The following SCRG1 variants were observed in gnomAD, a reference collection of about 807,000 sequenced individuals.
The protein encoded by SCRG1 is scrapie-responsive protein 1.
Under a neutral mutation model 7.7 loss-of-function variants are expected in SCRG1, and 3 were observed. The observed-to-expected ratio is 0.39, with a 90% CI of 0.18 to 1.01. The LOEUF (loss-of-function observed/expected upper bound fraction) is 1.01. Among genes scored for constraint, SCRG1 ranks in the 50% least tolerant of loss-of-function variants. The probability of loss-of-function intolerance (pLI) is 0.36; values close to 1 mark genes in which losing one functional copy is unlikely to be tolerated. For synonymous variants in SCRG1, 46 were observed against 41.2 expected (o/e 1.12, Z -0.44); for missense variants, 110 against 117.2 (o/e 0.94, Z 0.28).
the SCRG1 span, among the ~76,000 whole-genome samples, chr4:173,471,091 G>A: frequency 6.6e-6 from 1 of 151,972 alleles, no homozygotes; most frequent in African/African-American, 2.4e-5. Context: ...CATTACTCCT[G>A]GATACTAAGA....
the SCRG1 span, among the ~76,000 whole-genome samples, chr4:173,504,319 GGTAGCC>G: frequency 6.6e-6 from 1 of 152,188 alleles, no homozygotes; most frequent in Non-Finnish European, 1.5e-5. This position sits in a 1 kb window ranked among gnomAD's most constrained non-coding sequence, Gnocchi z 4.7. Flanking sequence ...GTGCTCCTCC[GGTAGCC>G]GTATGGGGGA....
chr4:173,395,682 T>C (rs1311559882), intron 1 of SCRG1, among the ~76,000 whole-genome samples: 2 of 152,378 alleles, frequency 1.3e-5, no homozygotes, highest in African/African-American at 4.8e-5. Context: ...AGCACTTATA[T>C]ATAATCTGGC....
chr4:173,451,682 ATTT>A, the SCRG1 span, among the ~76,000 whole-genome samples: 14 of 126,666 alleles, frequency 1.1e-4, no homozygotes, highest in East Asian at 2.1e-4. Flanking sequence ...TTATTTATTT[ATTT>A]TGAGACAGAG....
chr4:173,388,299 T>C lies in SCRG1; in HGVS notation c.*42A>G, dbSNP rs778902564. ...AGTTATACTGATGTAGTGCAGTTTG[T>C]GGGAAATCAGGAATGGTGTTCTCCA... is the stretch of plus-strand genomic sequence containing the variant. On this transcript the variant is annotated 3_prime_UTR_variant, in exon 3 of 3. Coordinates refer to ENST00000296506, the MANE Select transcript of SCRG1 (RefSeq NM_007281.4). 2 of 1,466,080 alleles carry C rather than the reference T, an allele frequency of 1.4e-6. No homozygotes were observed. Among genetic ancestry groups the C allele is most frequent in the Non-Finnish European group, 1.9e-6 (2 of 1,049,624 alleles). The allele number at this position is 1,466,080 out of a possible 1,614,324, so 90.8% of individuals were successfully genotyped here.
At chr4:173,442,310 C>T in the SCRG1 span, among the ~76,000 whole-genome samples, 1 of 152,200 alleles carries the variant, frequency 6.6e-6, no homozygotes, top group African/African-American at 2.4e-5. Flanking sequence ...CTAGGAGCAA[C>T]CATGTCTCTG....
chr4:173,435,118 A>ATGTGTG, the SCRG1 span, among the ~76,000 whole-genome samples: 1 of 151,300 alleles, frequency 6.6e-6, no homozygotes, highest in African/African-American at 2.4e-5. Flanking sequence ...ATATATATCT[A>ATGTGTG]TGTGTGTGTG....
chr4:173,497,814 G>A, the SCRG1 span, among the ~76,000 whole-genome samples: 1 of 151,780 alleles, frequency 6.6e-6, no homozygotes, highest in African/African-American at 2.4e-5. Flanking sequence ...GGGATTACAG[G>A]CACCCACCAC....
At chr4:173,414,818 C>T in the SCRG1 span, among the ~76,000 whole-genome samples, 1 of 152,226 alleles carries the variant, frequency 6.6e-6, no homozygotes, top group African/African-American at 2.4e-5. Flanking sequence ...ATCATCACTT[C>T]AAGCACTCTC....
the SCRG1 span, among the ~76,000 whole-genome samples, chr4:173,460,812 G>T: frequency 6.6e-6 from 1 of 152,164 alleles, no homozygotes; most frequent in African/African-American, 2.4e-5. Context: ...TTCTGAACCT[G>T]CCCTGGGCCA....
chr4:173,471,834 C>T, the SCRG1 span, among the ~76,000 whole-genome samples: 3 of 152,150 alleles, frequency 2.0e-5, no homozygotes, highest in African/African-American at 4.8e-5. Context: ...CTCAACCTCC[C>T]GAGTAGCTGG....
chr4:173,453,596 G>C, the SCRG1 span, among the ~76,000 whole-genome samples: 8 of 152,140 alleles, frequency 5.3e-5, no homozygotes, highest in African/African-American at 1.9e-4. Context: ...GTAAATATTT[G>C]TCTATCTGAA....
the SCRG1 span, among the ~76,000 whole-genome samples, chr4:173,456,257 C>T: frequency 7.9e-5 from 12 of 152,086 alleles, no homozygotes; most frequent in Non-Finnish European, 1.6e-4. Flanking sequence ...CTTGTGAAAC[C>T]CCTACAACTT....
the SCRG1 span, among the ~76,000 whole-genome samples, chr4:173,422,973 T>C: frequency 6.6e-6 from 1 of 152,194 alleles, no homozygotes. Flanking sequence ...TAAAAAGCAG[T>C]CTCCAAGGAT....
the SCRG1 span, among the ~76,000 whole-genome samples, chr4:173,492,403 C>G: frequency 6.6e-6 from 1 of 152,094 alleles, no homozygotes; most frequent in African/African-American, 2.4e-5. Flanking sequence ...TTCCCCCACC[C>G]CAAAACTACC....
chr4:173,436,457 C>A, the SCRG1 span, among the ~76,000 whole-genome samples: 1 of 152,174 alleles, frequency 6.6e-6, no homozygotes, highest in South Asian at 2.1e-4. Flanking sequence ...CTGTCCCTCT[C>A]TTACCTAGTG....
rs1215348623 is a variant in SCRG1 at position 173,387,739 on chromosome 4, G to T, written c.*602C>A. ...TTTTTTTTTTTTTTTTCGAGACAGG[G>T]TCTTGCTCTGTCACCCAGGCTAGAG... On this transcript the variant is annotated 3_prime_UTR_variant, in exon 3 of 3. Transcript: ENST00000296506. 8.2e-6 allele frequency: 1 copy of T among 122,680 alleles called. No individual in the cohort carries two copies. The highest frequency in any genetic ancestry group is 2.6e-4 in the East Asian group (1 of 3,860). The allele number at this position is 122,680 out of a possible 1,614,324, so 7.6% of individuals were successfully genotyped here. A position where few individuals can be genotyped will look rare whatever the true frequency, so the allele number is the denominator to read the frequency against.
the SCRG1 span, chr4:173,469,004 G>T: frequency 6.6e-6 from 1 of 152,136 alleles, no homozygotes; most frequent in African/African-American, 2.4e-5. Context: ...CTGAGTAGAG[G>T]CTCTGAAGTG....
the SCRG1 span, among the ~76,000 whole-genome samples, chr4:173,504,358 C>T: frequency 1.3e-5 from 2 of 152,312 alleles, no homozygotes; most frequent in East Asian, 1.9e-4. The surrounding 1 kb of genome is among the most constrained non-coding windows in gnomAD (Gnocchi z 4.7). Context: ...TACCTGCCAG[C>T]ACAGCCTGGG....
chr4:173,408,991 C>CAAAAAAAAAAA (rs991902394), upstream of SCRG1, among the ~76,000 whole-genome samples: 17 of 51,154 alleles, frequency 3.3e-4, no homozygotes, highest in African/African-American at 5.8e-4. Flanking sequence ...GACTCAGTCT[C>CAAAAAAAAAAA]AAAAAAAAAA....
Sources: allele counts gnomAD v4.1 joint callset (sites outside exome capture counted in the v4.1 genomes callset), GRCh38; gene constraint gnomAD v4.1.1; non-coding constraint Gnocchi (gnomAD v3.1); transcripts MANE v1.5; gene names NCBI Gene and HGNC (gene_info 2026-07-23, HGNC 2026-07-21).